The following LPGAT1 variants were observed in gnomAD, a reference collection of about 807,000 sequenced individuals.
LPGAT1 encodes the protein lysophosphatidylglycerol acyltransferase 1.
In LPGAT1, 11 loss-of-function variants were observed where a neutral mutation model predicts 47.5. The observed-to-expected ratio is 0.23, with a 90% CI of 0.15 to 0.38. The LOEUF is 0.38. Ranked by LOEUF, LPGAT1 falls within the 10% of genes least tolerant of loss-of-function variation. The pLI is 1.00. For synonymous variants in LPGAT1, 138 were observed against 144.2 expected (o/e 0.96, Z 0.31); for missense variants, 293 against 439.0 (o/e 0.67, Z 2.97).
chr1:211,786,745 A>G (rs1658893265), intron 4 of LPGAT1, among the ~76,000 whole-genome samples: 1 of 152,136 alleles, frequency 6.6e-6, no homozygotes, highest in African/African-American at 2.4e-5. Context: ...AACATCTCCC[A>G]TTATTATTAT....
intron 2 of LPGAT1, among the ~76,000 whole-genome samples, chr1:211,819,723 G>A (rs769389175): frequency 1.3e-5 from 2 of 152,122 alleles, no homozygotes; most frequent in South Asian, 2.1e-4. Flanking sequence ...GGTGGCTCAC[G>A]CCTGTAATCC....
chr1:211,815,382 A>G (rs887073181), intron 2 of LPGAT1, among the ~76,000 whole-genome samples: 12 of 152,194 alleles, frequency 7.9e-5, no homozygotes, highest in Non-Finnish European at 1.6e-4. Context: ...TCTCTCAGCA[A>G]GTCCTGACAA....
intron 3 of LPGAT1, among the ~76,000 whole-genome samples, chr1:211,788,170 T>C (rs1454957249): frequency 6.6e-6 from 1 of 152,192 alleles, no homozygotes; most frequent in Non-Finnish European, 1.5e-5. Context: ...TGGCAAAGTA[T>C]AAAAATGTAG....
intron 2 of LPGAT1, among the ~76,000 whole-genome samples, chr1:211,819,926 A>G (rs1660309716): frequency 1.3e-5 from 2 of 152,044 alleles, no homozygotes; most frequent in Admixed American, 6.5e-5. Context: ...AAGAGGTTGC[A>G]GTGAGCCAAG....
At chr1:211,796,245 A>T (rs1276734997) in intron 2 of LPGAT1, among the ~76,000 whole-genome samples, 1 of 152,204 alleles carries the variant, frequency 6.6e-6, no homozygotes, top group Non-Finnish European at 1.5e-5. Flanking sequence ...GTTGAACAGT[A>T]TACTCCAAAA....
Position 211,749,134 on chromosome 1 carries a change from A to G in LPGAT1, c.*765T>C, listed in dbSNP as rs181454799. The G allele has an allele frequency of 6.5e-5, 10 of 152,800 alleles. No homozygotes were observed. The highest frequency in any genetic ancestry group is 2.4e-4 in the African/African-American group (10 of 41,588). 9.5% of individuals were successfully genotyped at this position (152,800 alleles called of 1,614,324 possible). A position where few individuals can be genotyped will look rare whatever the true frequency, so the allele number is the denominator to read the frequency against. On this transcript the variant is annotated 3_prime_UTR_variant, in exon 8 of 8. Coordinates refer to ENST00000366997, the MANE Select transcript of LPGAT1 (RefSeq NM_014873.3). ...CTATGCTCCCATTTGTTTTCAGGCT[A>G]TATTACTAATCCTTTGCTATATCTG... is the stretch of plus-strand genomic sequence containing the variant.
chr1:211,792,781 G>A (rs772894252), intron 3 of LPGAT1, among the ~76,000 whole-genome samples: 19 of 127,874 alleles, frequency 1.5e-4, no homozygotes, highest in Non-Finnish European at 2.3e-4. Flanking sequence ...GCGTGATCTC[G>A]GCTCACTGCA....
rs558648709 is a variant in LPGAT1 at position 211,749,798 on chromosome 1, CT to C, written c.*100del. The C allele has an allele frequency of 1.3e-5, 17 of 1,276,742 alleles. No homozygotes were observed. Among genetic ancestry groups the C allele is most frequent in the South Asian group, 6.7e-5 (5 of 75,034 alleles). The allele number at this position is 1,276,742 out of a possible 1,614,324, so 79.1% of individuals were successfully genotyped here. ...TAATCCATCCATTGAATTTCTTTTGCTTTTTTTTAAATATATTCTGATTTGC... is the reference window on the plus strand; with the variant it reads ...TAATCCATCCATTGAATTTCTTTTGCTTTTTTTAAATATATTCTGATTTGC... On this transcript the variant is annotated 3_prime_UTR_variant, in exon 8 of 8. Coordinates refer to ENST00000366997, the MANE Select transcript of LPGAT1 (RefSeq NM_014873.3).
chr1:211,824,392 T>C (rs1660468017), intron 2 of LPGAT1, among the ~76,000 whole-genome samples: 1 of 151,916 alleles, frequency 6.6e-6, no homozygotes, highest in South Asian at 2.1e-4. Flanking sequence ...TGAGACTGTC[T>C]CACAAAAAAA....
intron 2 of LPGAT1, among the ~76,000 whole-genome samples, chr1:211,826,429 T>C (rs1402514246): frequency 6.6e-6 from 1 of 152,230 alleles, no homozygotes; most frequent in Non-Finnish European, 1.5e-5. Flanking sequence ...GTTCTGTATC[T>C]GCACTGTCCA....
intron 4 of LPGAT1, among the ~76,000 whole-genome samples, chr1:211,785,006 T>G (rs936394687): frequency 1.3e-5 from 2 of 152,054 alleles, no homozygotes; most frequent in Non-Finnish European, 2.9e-5. Context: ...GATTTCACCG[T>G]GTTAGCCAGG....
In LPGAT1 at chr1:211,803,432, C is replaced by T. The variant is rs150386799; in HGVS notation, c.239-10242G>A. Among the ~76,000 whole-genome samples, 3 of 152,208 alleles carry T rather than the reference C, an allele frequency of 2.0e-5. No homozygotes were observed. The East Asian group carries it at 5.8e-4, about 29-fold the overall frequency. The stretch of plus-strand genomic sequence containing the variant: ...AGTGGATAACCAGTCCAAATTGGAG[C>T]AAGTTAGGCACTTCCCAGACAGACT... On this transcript the variant is annotated intron_variant, in intron 2 of 7. Transcript: ENST00000366997.
intron 6 of LPGAT1, among the ~76,000 whole-genome samples, chr1:211,751,894 A>G (rs1306804565): frequency 6.6e-6 from 1 of 152,004 alleles, no homozygotes; most frequent in Non-Finnish European, 1.5e-5. Context: ...CACCTCTTTT[A>G]GCTGATTATC....
chr1:211,765,977 A>C (rs1244688700), intron 6 of LPGAT1, among the ~76,000 whole-genome samples: 2 of 152,130 alleles, frequency 1.3e-5, no homozygotes, highest in Non-Finnish European at 2.9e-5. Context: ...TGAGGGCCCA[A>C]GGAGAACAAA....
chr1:211,830,174 CG>C lies in LPGAT1; in HGVS notation c.-28+398del. 1.0e-6 allele frequency: 1 copy of C among 982,498 alleles called. No homozygotes were observed. The highest frequency in any genetic ancestry group is 1.2e-6 in the Non-Finnish European group (1 of 828,940). 60.9% of individuals were successfully genotyped at this position (982,498 alleles called of 1,614,324 possible). A position where few individuals can be genotyped will look rare whatever the true frequency, so the allele number is the denominator to read the frequency against. ...GTGGCGGCGGGCGCGGCCCGCGCGC[CG>C]GGCTCACCTCGGCGGGCGCGGACGG... On this transcript the variant is annotated intron_variant, in intron 1 of 7. Transcript: ENST00000366997. The surrounding 1 kb of genome is among the most constrained non-coding windows in gnomAD (Gnocchi z 5.9).
chr1:211,822,854 C>G (rs1225533561), intron 2 of LPGAT1, among the ~76,000 whole-genome samples: 1 of 151,902 alleles, frequency 6.6e-6, no homozygotes, highest in African/African-American at 2.4e-5. Context: ...TACTTTCAAG[C>G]ACCCAAAACC....
chr1:211,806,155 G>A (rs1659753103), intron 2 of LPGAT1, among the ~76,000 whole-genome samples: 1 of 151,882 alleles, frequency 6.6e-6, no homozygotes, highest in Admixed American at 6.6e-5. Flanking sequence ...GGGTACTTGG[G>A]AGGCTGAGAC....
chr1:211,794,258 C>T (rs1285109847), intron 2 of LPGAT1, among the ~76,000 whole-genome samples: 1 of 152,156 alleles, frequency 6.6e-6, no homozygotes, highest in Non-Finnish European at 1.5e-5. Context: ...CTAAGGGAAA[C>T]AGTGGTATTT....
chr1:211,744,684 T>G lies in LPGAT1; in HGVS notation c.*5215A>C, dbSNP rs2102475064. 1 of 152,390 alleles carries G rather than the reference T, an allele frequency of 6.6e-6. No homozygotes were observed. Among genetic ancestry groups the G allele is most frequent in the East Asian group, 1.9e-4 (1 of 5,194 alleles). 9.4% of individuals were successfully genotyped at this position (152,390 alleles called of 1,614,324 possible). The stretch of plus-strand genomic sequence containing the variant: ...ATTATTTGTTAATTGTGTTATATGT[T>G]CTTGCTATCAGCAAAATTTATAACA... On this transcript the variant is annotated 3_prime_UTR_variant, in exon 8 of 8. Coordinates refer to ENST00000366997, the MANE Select transcript of LPGAT1 (RefSeq NM_014873.3).
Sources: allele counts gnomAD v4.1 joint callset (sites outside exome capture counted in the v4.1 genomes callset), GRCh38; gene constraint gnomAD v4.1.1; non-coding constraint Gnocchi (gnomAD v3.1); transcripts MANE v1.5; gene names NCBI Gene and HGNC (gene_info 2026-07-23, HGNC 2026-07-21).